ESR1: variants seen among roughly 807,000 people sequenced by gnomAD.
The protein encoded by ESR1 is estrogen receptor.
ESR1 carries 12 observed loss-of-function variants against 52.7 expected under a neutral mutation model. That is an observed-to-expected ratio of 0.23 (90% confidence interval 0.15 to 0.37). The LOEUF is 0.37. ESR1 is among the 10% of genes least tolerant of loss of function. The probability of loss-of-function intolerance (pLI) is 1.00; values close to 1 mark genes in which losing one functional copy is unlikely to be tolerated. For missense variants in ESR1, 584 were observed against 779.7 expected, an observed-to-expected ratio of 0.75 and a Z score of 2.99; for synonymous variants, 305 against 316.8, an observed-to-expected ratio of 0.96 and a Z score of 0.39.
intron 3 of ESR1, among the ~76,000 whole-genome samples, chr6:151,881,597 T>C (rs758142043): frequency 2.0e-5 from 3 of 152,252 alleles, no homozygotes; most frequent in Non-Finnish European, 2.9e-5. Flanking sequence ...GCCTTCAGTG[T>C]AGTGGAAGAG....
intron 1 of ESR1, among the ~76,000 whole-genome samples, chr6:151,819,435 A>G (rs545489731): frequency 2.9e-4 from 44 of 152,154 alleles, no homozygotes; most frequent in Admixed American, 5.9e-4. Flanking sequence ...CTTCATCTGT[A>G]TTTACAGCTG....
chr6:151,838,694 C>T (rs1213941062), intron 1 of ESR1, among the ~76,000 whole-genome samples: 1 of 151,936 alleles, frequency 6.6e-6, no homozygotes, highest in Admixed American at 6.6e-5. Context: ...TGGAGTAAGT[C>T]TGGGCCAAAA....
At chr6:151,764,465 T>G (rs1784894214) in intron 2 of ESR1, among the ~76,000 whole-genome samples, 1 of 152,064 alleles carries the variant, frequency 6.6e-6, no homozygotes, top group Non-Finnish European at 1.5e-5. Context: ...GGGAGAAGTC[T>G]GCACTGCGCT....
chr6:152,001,913 C>A (rs2041977231), intron 4 of ESR1, among the ~76,000 whole-genome samples: 1 of 151,962 alleles, frequency 6.6e-6, no homozygotes, highest in Admixed American at 6.6e-5. Flanking sequence ...TTGTGAGACC[C>A]TTGGACCCCA....
intron 2 of ESR1, among the ~76,000 whole-genome samples, chr6:151,787,099 G>C (rs141006866): frequency 6.6e-6 from 1 of 152,168 alleles, no homozygotes; most frequent in African/African-American, 2.4e-5. Context: ...ATGAGCCACC[G>C]TGCCTGGCTG....
chr6:151,805,602 G>C (rs940480727), upstream of ESR1: 1 of 152,432 alleles, frequency 6.6e-6, no homozygotes, highest in Non-Finnish European at 1.5e-5. Flanking sequence ...GCCCAGCTGC[G>C]TGTCTGCCGG....
intron 2 of ESR1, among the ~76,000 whole-genome samples, chr6:151,725,771 G>A (rs2128029384): frequency 6.6e-6 from 1 of 152,318 alleles, no homozygotes; most frequent in African/African-American, 2.4e-5. Context: ...TCTGAATTTT[G>A]TCCTCTGGGA....
intron 5 of ESR1, among the ~76,000 whole-genome samples, chr6:152,032,886 A>G (rs1337395278): frequency 6.6e-6 from 1 of 152,216 alleles, no homozygotes; most frequent in Non-Finnish European, 1.5e-5. Flanking sequence ...CCTGACTTCA[A>G]ACTATACTAC....
intron 5 of ESR1, among the ~76,000 whole-genome samples, chr6:152,055,324 T>C (rs2047012060): frequency 6.6e-6 from 1 of 152,180 alleles, no homozygotes; most frequent in African/African-American, 2.4e-5. Context: ...GGTTCACTTT[T>C]CCTCATGTCC....
rs950371648 is a variant in ESR1, at chr6:151,798,273, G to T, written c.-70-9570G>T. On this transcript the variant is annotated intron_variant, in intron 2 of 2. Coordinates refer to the ESR1 transcript ENST00000404742. ...CCATGTTGAATAGAGATTGGATAGG[G>T]CTGGCTTGGAAAGCCCTCAGTGAAG... Among the ~76,000 whole-genome samples the T allele has an allele frequency of 2.0e-5, 3 of 152,136 alleles. No homozygotes were observed. The East Asian group carries it at 5.8e-4, about 29-fold the overall frequency.
chr6:151,794,467 C>A (rs1776496837), intron 2 of ESR1, among the ~76,000 whole-genome samples: 1 of 152,136 alleles, frequency 6.6e-6, no homozygotes, highest in Non-Finnish European at 1.5e-5. Context: ...GATCTTAATG[C>A]CTGATAGTTG....
rs1299601368 is a variant in ESR1, at chr6:152,100,589, AT to A, written c.*1626del. The A allele has an allele frequency of 4.3e-6, 1 of 232,208 alleles. No homozygotes were observed. Among genetic ancestry groups the A allele is most frequent in the Non-Finnish European group, 8.5e-6 (1 of 117,532 alleles). The allele number at this position is 232,208 out of a possible 1,614,324, so 14.4% of individuals were successfully genotyped here. ...TTTTCTTAACAAAAAAGAATGTTTGATTTCCTCTGGGTGACCTTATTGTCTG... is the reference window on the plus strand; with the variant it reads ...TTTTCTTAACAAAAAAGAATGTTTGATTCCTCTGGGTGACCTTATTGTCTG... On this transcript the variant is annotated 3_prime_UTR_variant, in exon 8 of 8. Coordinates refer to ENST00000206249, the MANE Select transcript of ESR1 (RefSeq NM_000125.4).
At chr6:152,043,030 G>C (rs183981714) in intron 5 of ESR1, among the ~76,000 whole-genome samples, 1 of 152,272 alleles carries the variant, frequency 6.6e-6, no homozygotes, top group East Asian at 1.9e-4. Context: ...GGATGCAGGT[G>C]CTGCCCTCAC....
chr6:151,910,295 G>A (rs965465566), intron 3 of ESR1, among the ~76,000 whole-genome samples: 9 of 151,968 alleles, frequency 5.9e-5, no homozygotes, highest in African/African-American at 2.2e-4. Context: ...GGTGGTTACT[G>A]GATTGAACCG....
intron 3 of ESR1, among the ~76,000 whole-genome samples, chr6:151,936,638 A>G (rs2034391169): frequency 6.6e-6 from 1 of 152,218 alleles, no homozygotes; most frequent in Non-Finnish European, 1.5e-5. Flanking sequence ...CCTTCCCACC[A>G]GAAAATATAA....
intron 1 of ESR1, among the ~76,000 whole-genome samples, chr6:151,678,043 G>C (rs76697767): frequency 0.024 from 3,663 of 152,306 alleles, 145 homozygotes; most frequent in African/African-American, 0.083. Context: ...TCATGGTTTG[G>C]TTTGATTATA....
At chr6:151,969,092 A>G (rs112820019) in intron 4 of ESR1, among the ~76,000 whole-genome samples, 1 of 152,090 alleles carries the variant, frequency 6.6e-6, no homozygotes, top group South Asian at 2.1e-4. Context: ...CAGTGCATTA[A>G]TAAACTCTCT....
chr6:152,054,352 C>T (rs1221225439), intron 5 of ESR1, among the ~76,000 whole-genome samples: 1 of 152,120 alleles, frequency 6.6e-6, no homozygotes, highest in African/African-American at 2.4e-5. Flanking sequence ...TATTGCCTAA[C>T]ACCGAGGATC....
At chr6:151,967,436 T>A (rs1340581399) in intron 4 of ESR1, among the ~76,000 whole-genome samples, 4 of 152,184 alleles carry the variant, frequency 2.6e-5, no homozygotes, top group Admixed American at 2.0e-4. Flanking sequence ...CATGTGGTGT[T>A]TGGTTTTCTC....
Sources: allele counts gnomAD v4.1 joint callset (sites outside exome capture counted in the v4.1 genomes callset), GRCh38; gene constraint gnomAD v4.1.1; transcripts MANE v1.5; gene names NCBI Gene and HGNC (gene_info 2026-07-23, HGNC 2026-07-21).